FCRL2: variants seen among roughly 807,000 people sequenced by gnomAD.
FCRL2 encodes Fc receptor-like protein 2.
FCRL2 carries 48 observed loss-of-function variants against 59.8 expected under a neutral mutation model. The ratio of observed to expected loss-of-function variants is 0.80; its 90% CI spans 0.64 to 1.02. FCRL2 has a LOEUF of 1.02. FCRL2 is among the 50% of genes least tolerant of loss of function. FCRL2 has a pLI of 0.00. For synonymous variants in FCRL2, 251 were observed against 229.5 expected (o/e 1.09, Z -0.85); for missense variants, 658 against 597.3 (o/e 1.10, Z -1.06).
chr1:157,762,626 T>C (rs1435957870), intron 7 of FCRL2, among the ~76,000 whole-genome samples: 1 of 152,136 alleles, frequency 6.6e-6, no homozygotes, highest in Non-Finnish European at 1.5e-5. Flanking sequence ...CAAAAAGGTC[T>C]TTTCCATGGC....
chr1:157,767,209 T>G (rs1649562090), intron 6 of FCRL2, 22 bp downstream of exon 6: 1 of 1,596,616 alleles, frequency 6.3e-7, no homozygotes, highest in Non-Finnish European at 8.5e-7. Flanking sequence ...TCAAACTCTG[T>G]ATCCAGGTAA....
chr1:157,767,097 A>G (rs1649553264), intron 6 of FCRL2, 126 bp from the exon 7 acceptor site: 3 of 1,321,726 alleles, frequency 2.3e-6, no homozygotes, highest in Admixed American at 2.2e-5. Context: ...TGTACTCTTC[A>G]GGTTAGTGTG....
chr1:157,757,870 GA>G (rs1261499270), intron 7 of FCRL2, among the ~76,000 whole-genome samples: 51 of 152,344 alleles, frequency 3.3e-4, no homozygotes, highest in African/African-American at 1.0e-3. Context: ...GATGAGGCAG[GA>G]GAATGGCGTG....
In FCRL2 at chr1:157,746,687, A is replaced by C. The variant is rs1329404003; in HGVS notation, c.*49T>G. 1 of 1,578,192 alleles carries C rather than the reference A, an allele frequency of 6.3e-7. No individual in the cohort carries two copies. The highest frequency in any genetic ancestry group is 1.1e-5 in the South Asian group (1 of 90,246). On this transcript the variant is annotated 3_prime_UTR_variant, in exon 12 of 12. Coordinates refer to ENST00000361516, the MANE Select transcript of FCRL2 (RefSeq NM_030764.4). The stretch of plus-strand genomic sequence containing the variant: ...TCATAAGGTTTTATAGCAAGTCTTA[A>C]TGATGCCCCATCCTTGCTGTTGATC...
rs1647756997 is a variant in FCRL2 at position 157,746,556 on chromosome 1, T to C, written c.*180A>G. ...GTAGCAGCAGTTCAATGAATATTGATAGGTAAAAGAAGATATTGGAGAAGA... is the reference window on the plus strand; with the variant it reads ...GTAGCAGCAGTTCAATGAATATTGACAGGTAAAAGAAGATATTGGAGAAGA... On this transcript the variant is annotated 3_prime_UTR_variant, in exon 12 of 12. Coordinates refer to ENST00000361516, the MANE Select transcript of FCRL2 (RefSeq NM_030764.4). 1.6e-6 allele frequency: 1 copy of C among 610,714 alleles called. No individual in the cohort carries two copies. Among genetic ancestry groups the C allele is most frequent in the South Asian group, 2.0e-5 (1 of 49,606 alleles). 37.8% of individuals were successfully genotyped at this position (610,714 alleles called of 1,614,324 possible). A position where few individuals can be genotyped will look rare whatever the true frequency, so the allele number is the denominator to read the frequency against.
chr1:157,749,254 A>C, intron 8 of FCRL2, among the ~76,000 whole-genome samples: 1 of 150,840 alleles, frequency 6.6e-6, no homozygotes, highest in African/African-American at 2.4e-5. Context: ...TATCTCTCTC[A>C]CTCCTTCTTG....
chr1:157,766,798 A>G (rs907128416), intron 7 of FCRL2, 57 bp downstream of exon 7: 3 of 1,604,124 alleles, frequency 1.9e-6, no homozygotes, highest in African/African-American at 2.7e-5. Context: ...ATTTCAATCT[A>G]TATCAGTAGT....
chr1:157,768,891 G>A, intron 4 of FCRL2, 190 bp from the exon 5 acceptor site: 1 of 599,492 alleles, frequency 1.7e-6, no homozygotes, highest in Non-Finnish European at 2.8e-6. Context: ...ACATTTGAAT[G>A]TCCTAACCCT....
intron 4 of FCRL2, chr1:157,768,909 T>C: frequency 1.9e-6 from 1 of 523,370 alleles, no homozygotes; most frequent in Non-Finnish European, 3.3e-6. Context: ...CCTGGCCAAT[T>C]TCATGGGTAG....
chr1:157,768,773 C>G lies in FCRL2; in HGVS notation c.596-72G>C, dbSNP rs550622125. On this transcript the variant is annotated intron_variant, in intron 4 of 11. Transcript: ENST00000361516. ...GGAACAGGGTTTGACTGATTCCATTCTCTAATGCAAAATGTGGGAATGTGG... is the reference window on the plus strand; with the variant it reads ...GGAACAGGGTTTGACTGATTCCATTGTCTAATGCAAAATGTGGGAATGTGG... 1.0e-3 allele frequency: 1,409 copies of G among 1,405,322 alleles called. 2 individuals are homozygous for G. Among genetic ancestry groups the G allele is most frequent in the Non-Finnish European group, 1.2e-3 (1,279 of 1,037,202 alleles). 87.1% of individuals were successfully genotyped at this position (1,405,322 alleles called of 1,614,324 possible).
intron 7 of FCRL2, among the ~76,000 whole-genome samples, chr1:157,751,162 A>G (rs1321587873): frequency 6.6e-6 from 1 of 152,240 alleles, no homozygotes; most frequent in Non-Finnish European, 1.5e-5. Flanking sequence ...AGATAAAAGC[A>G]GAATTCTAGA....
At chr1:157,768,950 A>G (rs1341852606) in intron 4 of FCRL2, 3 of 411,770 alleles carry the variant, frequency 7.3e-6, no homozygotes, top group Middle Eastern at 6.3e-4. Flanking sequence ...ATAGATCTCC[A>G]TGAGACAGGA....
intron 2 of FCRL2, among the ~76,000 whole-genome samples, chr1:157,773,155 A>G (rs1650155771): frequency 6.6e-6 from 1 of 152,202 alleles, no homozygotes; most frequent in African/African-American, 2.4e-5. Flanking sequence ...TCTTTCTACC[A>G]GATCTCTCTC....
chr1:157,770,066 A>G lies in FCRL2; in HGVS notation c.395T>C (p.Leu132Pro). ...TTGAACATCCAACCTCTGTGGAGAG[A>G]GCCGGGTCTCACATTTCAGGCTCAC... ...GPVSLKCETR[L>P]SPQRLDVQLQ... Residue 132 changes from leucine (L) to proline (P), a missense_variant, in exon 4 of 12, where the codon CTC (leucine) becomes CCC (proline). Transcript: ENST00000361516. 1.9e-6 allele frequency: 3 copies of G among 1,614,154 alleles called. No homozygotes were observed. Among genetic ancestry groups the G allele is most frequent in the Non-Finnish European group, 2.5e-6 (3 of 1,180,006 alleles).
At chr1:157,750,344 C>T (rs1352203509) in intron 7 of FCRL2, among the ~76,000 whole-genome samples, 2 of 152,198 alleles carry the variant, frequency 1.3e-5, no homozygotes. Context: ...ATATAGAGGC[C>T]ACCCCAGCTC....
chr1:157,760,770 AAAG>A (rs1372644033), intron 7 of FCRL2, among the ~76,000 whole-genome samples: 2 of 142,576 alleles, frequency 1.4e-5, no homozygotes, highest in Non-Finnish European at 3.0e-5. Flanking sequence ...AAGAATGAAA[AAAG>A]AAAGGAAGGA....
At chr1:157,755,052 C>T (rs1256748755) in intron 7 of FCRL2, among the ~76,000 whole-genome samples, 1 of 151,974 alleles carries the variant, frequency 6.6e-6, no homozygotes, top group African/African-American at 2.4e-5. Flanking sequence ...GTTACCAAAC[C>T]TAGAACCCAT....
intron 7 of FCRL2, among the ~76,000 whole-genome samples, chr1:157,756,743 T>C (rs1648620437): frequency 6.6e-6 from 1 of 151,756 alleles, no homozygotes; most frequent in Admixed American, 6.6e-5. Flanking sequence ...TGAAAACTTC[T>C]GAAGCAGCCT....
Position 157,766,530 on chromosome 1 carries a change from C to T in FCRL2, c.1279+325G>A, listed in dbSNP as rs115559292. The T allele has an allele frequency of 3.0e-3, 1,036 of 344,248 alleles. 7 individuals are homozygous for T. Among genetic ancestry groups the T allele is most frequent in the African/African-American group, 0.019 (885 of 47,268 alleles). 21.3% of individuals were successfully genotyped at this position (344,248 alleles called of 1,614,324 possible). On this transcript the variant is annotated intron_variant, in intron 7 of 11. Coordinates refer to ENST00000361516, the MANE Select transcript of FCRL2 (RefSeq NM_030764.4). ...TCTAGCTCCTTACTACATTTTGCTCCGTTGTACATAAGCTAATTATATCTA... is the reference window on the plus strand; with the variant it reads ...TCTAGCTCCTTACTACATTTTGCTCTGTTGTACATAAGCTAATTATATCTA...
Sources: gnomAD v4.1 joint callset for allele counts (sites outside exome capture counted in the v4.1 genomes callset) on GRCh38, gnomAD v4.1.1 for gene constraint, MANE v1.5 for transcripts, NCBI Gene and HGNC (gene_info 2026-07-23, HGNC 2026-07-21) for gene names.